ABCG2: variants seen among roughly 807,000 people sequenced by gnomAD.
The protein encoded by ABCG2 is ATP binding cassette subfamily G member 2 (JR blood group), also known as broad substrate specificity ATP-binding cassette transporter ABCG2.
A neutral mutation model predicts 73.5 loss-of-function variants in ABCG2; 80 were observed. The observed-to-expected ratio is 1.09, with a 90% CI of 0.91 to 1.31. The LOEUF (loss-of-function observed/expected upper bound fraction) is 1.31, where lower values mean the gene tolerates loss of function less well. Ranked by LOEUF, ABCG2 falls within the 50% of genes most tolerant of loss-of-function variation. The pLI is 0.00. For missense variants in ABCG2, 796 were observed against 786.2 expected, an observed-to-expected ratio of 1.01 and a Z score of -0.15; for synonymous variants, 269 against 282.4, an observed-to-expected ratio of 0.95 and a Z score of 0.48.
chr4:88,137,971 G>A (rs1013168358), intron 2 of ABCG2, among the ~76,000 whole-genome samples: 1 of 152,042 alleles, frequency 6.6e-6, no homozygotes. Flanking sequence ...CCTGGGCAAC[G>A]TAGGAAGACC....
At chr4:88,153,839 G>C (rs548200542) in intron 1 of ABCG2, among the ~76,000 whole-genome samples, 7 of 152,258 alleles carry the variant, frequency 4.6e-5, no homozygotes, top group African/African-American at 1.7e-4. Flanking sequence ...CCCCGAGCTT[G>C]ATGTGTAGGG....
chr4:88,150,242 G>A (rs773476938), intron 1 of ABCG2, among the ~76,000 whole-genome samples: 9 of 152,138 alleles, frequency 5.9e-5, no homozygotes, highest in African/African-American at 1.4e-4. Flanking sequence ...GCTTGAACCC[G>A]GGAGGCAGAG....
chr4:88,215,396 C>A (rs540885140), intron 1 of ABCG2, among the ~76,000 whole-genome samples: 1 of 152,252 alleles, frequency 6.6e-6, no homozygotes, highest in South Asian at 2.1e-4. Flanking sequence ...CAAAGAGTTA[C>A]AAAATTCAAG....
At chr4:88,127,698 G>A (rs1724529961) in intron 5 of ABCG2, among the ~76,000 whole-genome samples, 1 of 152,138 alleles carries the variant, frequency 6.6e-6, no homozygotes, top group Non-Finnish European at 1.5e-5. Context: ...AATAAATGGT[G>A]CTGGGAAAAC....
intron 1 of ABCG2, chr4:88,223,872 ATT>A (rs3061244): frequency 0.34 from 51,050 of 148,080 alleles, 9,291 homozygotes; most frequent in African/African-American, 0.48. Flanking sequence ...CCAGAAAGGC[ATT>A]TTTTTTTTTT....
upstream of ABCG2, among the ~76,000 whole-genome samples, chr4:88,161,020 A>T (rs1233618703): frequency 6.6e-6 from 1 of 151,820 alleles, no homozygotes; most frequent in Non-Finnish European, 1.5e-5. Context: ...TACAAAAAAA[A>T]AATATTTTAA....
chr4:88,107,289 A>C lies in ABCG2; in HGVS notation c.1195-23T>G, dbSNP rs751964927. 16 of 1,532,526 alleles carry C rather than the reference A, an allele frequency of 1.0e-5. No homozygotes were observed. The East Asian group carries it at 3.4e-4, about 32-fold the overall frequency. 94.9% of individuals were successfully genotyped at this position (1,532,526 alleles called of 1,614,324 possible). A position where few individuals can be genotyped will look rare whatever the true frequency, so the allele number is the denominator to read the frequency against. ...GATCTTTTCAAAAAGAAAAATGCAA[A>C]AAAAGGGGAAGAGTTTCAATTAGAG... is the stretch of plus-strand genomic sequence containing the variant. On this transcript the variant is annotated intron_variant, in intron 9 of 15. Transcript: ENST00000237612.
chr4:88,201,209 C>CAAAAAAAAAAA (rs3061250), intron 1 of ABCG2, among the ~76,000 whole-genome samples: 1 of 106,314 alleles, frequency 9.4e-6, no homozygotes, highest in African/African-American at 3.7e-5. Flanking sequence ...GCACTAACTG[C>CAAAAAAAAAAA]AAAAAAAAAA....
intron 7 of ABCG2, 146 bp from the exon 8 acceptor site, chr4:88,115,204 A>C: frequency 2.2e-6 from 1 of 446,082 alleles, no homozygotes; most frequent in East Asian, 3.8e-5. Flanking sequence ...CTTCCCACGT[A>C]ATTTTACCCT....
At chr4:88,186,319 C>T (rs1196080807) in intron 1 of ABCG2, among the ~76,000 whole-genome samples, 3 of 152,262 alleles carry the variant, frequency 2.0e-5, no homozygotes, top group East Asian at 1.9e-4. Flanking sequence ...TCAAAACAAG[C>T]GAACTCATGG....
At chr4:88,129,576 C>G (rs1180607457) in intron 5 of ABCG2, among the ~76,000 whole-genome samples, 1 of 152,130 alleles carries the variant, frequency 6.6e-6, no homozygotes, top group Non-Finnish European at 1.5e-5. Flanking sequence ...AACCCAATCA[C>G]TCATAAAGCG....
intron 1 of ABCG2, among the ~76,000 whole-genome samples, chr4:88,194,741 G>T (rs1285583862): frequency 6.6e-6 from 1 of 152,020 alleles, no homozygotes; most frequent in Non-Finnish European, 1.5e-5. Flanking sequence ...AGAGCTGTAG[G>T]CACGAAGGCT....
At chr4:88,109,369 CTG>C (rs1256364737) in intron 9 of ABCG2, among the ~76,000 whole-genome samples, 2 of 152,300 alleles carry the variant, frequency 1.3e-5, no homozygotes, top group African/African-American at 4.8e-5. Flanking sequence ...TATACTAACA[CTG>C]AGTATTATGA....
intron 1 of ABCG2, among the ~76,000 whole-genome samples, chr4:88,164,705 AC>A: frequency 6.6e-6 from 1 of 152,308 alleles, no homozygotes; most frequent in Admixed American, 6.5e-5. Flanking sequence ...TAATACAGAA[AC>A]TTTTTAAAAA....
chr4:88,202,140 A>G (rs902497529), intron 1 of ABCG2, among the ~76,000 whole-genome samples: 10 of 151,766 alleles, frequency 6.6e-5, no homozygotes, highest in Non-Finnish European at 1.3e-4. Context: ...CAATGGCACT[A>G]TTCCATGGGC....
rs1285596936 is a variant in ABCG2, at chr4:88,091,158, ACAATCT to A, written c.*1070_*1075del. On this transcript the variant is annotated 3_prime_UTR_variant, in exon 16 of 16. Coordinates refer to ENST00000237612, the MANE Select transcript of ABCG2 (RefSeq NM_004827.3). Reference sequence around the variant, plus strand: ...ATGGCTGAGTAGGCTTTTGTGTGCTACAATCTTCTATTTCTTGACCTGAATTGATGG... The same window carrying A: ...ATGGCTGAGTAGGCTTTTGTGTGCTATCTATTTCTTGACCTGAATTGATGG... The A allele has an allele frequency of 1.3e-5, 2 of 152,236 alleles. No individual in the cohort carries two copies. Among genetic ancestry groups the A allele is most frequent in the African/African-American group, 4.8e-5 (2 of 41,466 alleles). 9.4% of individuals were successfully genotyped at this position (152,236 alleles called of 1,614,324 possible).
chr4:88,199,957 C>T (rs371442498), intron 1 of ABCG2, among the ~76,000 whole-genome samples: 4 of 151,962 alleles, frequency 2.6e-5, no homozygotes, highest in East Asian at 1.9e-4. Flanking sequence ...AGCAAGATCG[C>T]GCCACTGCAC....
chr4:88,227,241 A>T (rs1046879432), intron 1 of ABCG2, among the ~76,000 whole-genome samples: 1 of 152,148 alleles, frequency 6.6e-6, no homozygotes, highest in African/African-American at 2.4e-5. Flanking sequence ...TACTAAAAAT[A>T]CAAAAATAAT....
intron 1 of ABCG2, among the ~76,000 whole-genome samples, chr4:88,199,516 A>G (rs1349642521): frequency 6.6e-6 from 1 of 152,194 alleles, no homozygotes. Flanking sequence ...CTTATTAGAA[A>G]CCATGCAAGC....
Sources: allele counts gnomAD v4.1 joint callset (sites outside exome capture counted in the v4.1 genomes callset), GRCh38; gene constraint gnomAD v4.1.1; transcripts MANE v1.5; gene names NCBI Gene and HGNC (gene_info 2026-07-23, HGNC 2026-07-21).